The following FBN3 variants were observed in gnomAD, a reference collection of about 807,000 sequenced individuals.
FBN3 encodes fibrillin 3.
In FBN3, 234 loss-of-function variants were observed where a neutral mutation model predicts 330.1. The observed-to-expected ratio is 0.71, with a 90% CI of 0.64 to 0.79. The LOEUF is 0.79. Ranked by LOEUF, FBN3 falls within the 30% of genes least tolerant of loss-of-function variation. The probability of loss-of-function intolerance (pLI) is 0.00; values close to 1 mark genes in which losing one functional copy is unlikely to be tolerated. For missense variants in FBN3, 3,606 were observed against 3,886.9 expected (o/e 0.93, Z 1.92); for synonymous variants, 1,458 against 1,517.3 (o/e 0.96, Z 0.91).
At position 8,081,338 on chromosome 19, in the gene FBN3, G is replaced by T. The variant is rs746778444; in HGVS notation, c.7336+20C>A. Reference sequence around the variant, plus strand: ...ACTGCATGCAGTGGTGGGAGTGGGGGAGAGTTGAAAGGACATCACCTTTGC... The same window carrying T: ...ACTGCATGCAGTGGTGGGAGTGGGGTAGAGTTGAAAGGACATCACCTTTGC... On this transcript the variant is annotated intron_variant, in intron 58 of 63. Transcript: ENST00000600128. 1.3e-6 allele frequency: 2 copies of T among 1,584,042 alleles called. 1 individual carries two copies. Among genetic ancestry groups the T allele is most frequent in the South Asian group, 2.4e-5 (2 of 84,678 alleles).
At chr19:8,108,717 TGCTA>T (rs1343873671) in intron 36 of FBN3, among the ~76,000 whole-genome samples, 2 of 152,030 alleles carry the variant, frequency 1.3e-5, no homozygotes, top group African/African-American at 4.8e-5. Flanking sequence ...CCCCCTACTC[TGCTA>T]GGAAAACTCC....
chr19:8,141,826 C>T lies in FBN3; in HGVS notation c.756G>A (p.Gln252=), dbSNP rs201984325. The change falls in exon 8 of 64, where the codon CAG becomes CAA. Residue 252 remains glutamine (Q), a synonymous_variant. Transcript: ENST00000600128. Reference sequence around the variant, plus strand: ...CTCCCTGGCACAGGCCTGGCACAGCCTGGCACTCATCCACATCTGCAAGGA... The same window carrying T: ...CTCCCTGGCACAGGCCTGGCACAGCTTGGCACTCATCCACATCTGCAAGGA... ...TGACQDVDEC[Q]AVPGLCQGGS... is the part of the protein sequence containing the mutation. The T allele has an allele frequency of 6.2e-7, 1 of 1,614,218 alleles. No individual in the cohort carries two copies. Among genetic ancestry groups the T allele is most frequent in the Non-Finnish European group, 8.5e-7 (1 of 1,180,026 alleles).
chr19:8,097,319 T>TG lies in FBN3; in HGVS notation c.5256dup (p.Asn1753GlnfsTer10), dbSNP rs781712234. ...CAAGCCAGCAGGATGCTGTTGTAGT[T>TG]GAAGCCTGCGGGGCACTCGCAGCGG... On this transcript the variant is annotated frameshift_variant, in exon 42 of 64. Transcript: ENST00000600128. LOFTEE classifies it high-confidence loss of function. 3.0e-5 allele frequency: 49 copies of TG among 1,609,996 alleles called. No homozygotes were observed. Among genetic ancestry groups the TG allele is most frequent in the Non-Finnish European group, 4.2e-5 (49 of 1,177,350 alleles).
At position 8,085,484 on chromosome 19, in the gene FBN3, G is replaced by A. The variant is rs777920211; in HGVS notation, c.6966C>T (p.Ala2322=). Residue 2322 remains alanine, a synonymous_variant, in exon 56 of 64, where the codon GCC becomes GCT. Transcript: ENST00000600128. The stretch of plus-strand genomic sequence containing the variant: ...CCCGGCCACCCCCACAGCAGCACTC[G>A]GCCCTGGTGACAGCCTCACTGCTGC... ...LSSSSEAVTR[A]ECCCGGGRGW... The A allele has an allele frequency of 3.3e-5, 53 of 1,590,426 alleles. No homozygotes were observed. Among genetic ancestry groups the A allele is most frequent in the Non-Finnish European group, 4.3e-5 (50 of 1,169,224 alleles).
intron 16 of FBN3, among the ~76,000 whole-genome samples, chr19:8,130,644 G>GAAA (rs1180085232): frequency 1.7e-5 from 1 of 58,934 alleles, no homozygotes; most frequent in South Asian, 6.1e-4. Flanking sequence ...AAGAAAGAAA[G>GAAA]GAAAGGAAAG....
chr19:8,071,019 T>C (rs570195767), intron 63 of FBN3, among the ~76,000 whole-genome samples: 2 of 131,440 alleles, frequency 1.5e-5, no homozygotes, highest in Non-Finnish European at 3.4e-5. Context: ...TGAGACTCTG[T>C]CTCAAAAAAA....
rs56714832 is a variant in FBN3 at position 8,091,728 on chromosome 19, A to G, written c.5906-138T>C. 2,034 of 893,876 alleles carry G rather than the reference A, an allele frequency of 2.3e-3. 24 individuals are homozygous for G. The African/African-American group carries it at 0.031, about 14-fold the overall frequency. 55.4% of individuals were successfully genotyped at this position (893,876 alleles called of 1,614,324 possible). ...AGTGGGGCTGGGGTCCTGAGAGCTC[A>G]GTATGAGCTTCAGCACGAGGTGGGC... On this transcript the variant is annotated intron_variant, in intron 47 of 63. Coordinates refer to ENST00000600128, the MANE Select transcript of FBN3 (RefSeq NM_032447.5).
rs780466449 is a variant in FBN3 at position 8,138,273 on chromosome 19, G to T, written c.1069C>A (p.Pro357Thr). 1.2e-6 allele frequency: 2 copies of T among 1,612,814 alleles called. No individual in the cohort carries two copies. Among genetic ancestry groups the T allele is most frequent in the Non-Finnish European group, 8.5e-7 (1 of 1,179,692 alleles). ...AQRLPLLPGH[P>T]GLFPGLLGFG... ...CCCAGGAGGCCAGGGAAGAGGCCAG[G>T]GTGGCCGGGTAGCAGCGGCAGCCGC... is the stretch of plus-strand genomic sequence containing the variant. The change falls in exon 10 of 64, where the codon CCT (proline) becomes ACT (threonine). Residue 357 changes from proline to threonine, a missense_variant. Coordinates refer to ENST00000600128, the MANE Select transcript of FBN3 (RefSeq NM_032447.5).
intron 41 of FBN3, among the ~76,000 whole-genome samples, chr19:8,099,342 A>G (rs7254397): frequency 0.19 from 26,565 of 137,588 alleles, 2,887 homozygotes; most frequent in African/African-American, 0.3. Flanking sequence ...GTACAGTGGC[A>G]CGATCTCGGC....
intron 59 of FBN3, among the ~76,000 whole-genome samples, chr19:8,076,773 G>T (rs545045678): frequency 9.0e-4 from 137 of 151,994 alleles, no homozygotes; most frequent in African/African-American, 3.0e-3. Context: ...GTTAATTTTG[G>T]TTTTTTTAGA....
intron 29 of FBN3, among the ~76,000 whole-genome samples, chr19:8,116,011 C>T (rs2082696880): frequency 6.6e-6 from 1 of 152,150 alleles, no homozygotes; most frequent in African/African-American, 2.4e-5. Context: ...GCAACAGGGG[C>T]ATGGAGCAGA....
At chr19:8,124,033 C>T in intron 22 of FBN3, 25 bp from the exon 23 acceptor site, 2 of 1,585,936 alleles carry the variant, frequency 1.3e-6, no homozygotes, top group Non-Finnish European at 1.7e-6. Flanking sequence ...GTCACTGCGT[C>T]CCCACCCCTG....
At chr19:8,112,149 C>T (rs201476244) in intron 30 of FBN3, 50 bp from the exon 31 acceptor site, 15 of 1,593,134 alleles carry the variant, frequency 9.4e-6, no homozygotes, top group African/African-American at 1.3e-5. Context: ...GAAGGAAAGA[C>T]TCGATGCAAT....
chr19:8,092,707 CAAAAAAAAAA>C lies in FBN3; in HGVS notation c.5906-1127_5906-1118del, dbSNP rs33973797. Among the ~76,000 whole-genome samples, 52 of 70,156 alleles carry C rather than the reference CAAAAAAAAAA, an allele frequency of 7.4e-4. 1 individual carries two copies. Among genetic ancestry groups the C allele is most frequent in the Admixed American group, 3.7e-3 (20 of 5,362 alleles). The allele number at this position is 70,156 out of a possible 152,430, so 46.0% of individuals were successfully genotyped here. On this transcript the variant is annotated intron_variant, in intron 47 of 63. Transcript: ENST00000600128. Reference sequence around the variant, plus strand: ...TCTGGGTGACAGAGTGAGACTCCACCAAAAAAAAAAAAAAAAAAAAAAAAAAGGAACAAAA... The same window carrying C: ...TCTGGGTGACAGAGTGAGACTCCACCAAAAAAAAAAAAAAAAGGAACAAAA...
rs1310572304 is a variant in FBN3 at position 8,149,176 on chromosome 19, C to G, written c.-18+273G>C. ...GGCGCGATCTCCACCCGGCAGGGCC[C>G]CCGGCCGCGACCACGCTTGGCTCCG... On this transcript the variant is annotated intron_variant, in intron 1 of 63. Transcript: ENST00000600128. The surrounding 1 kb of genome is among the most constrained non-coding windows in gnomAD (Gnocchi z 5.5). Among the ~76,000 whole-genome samples, 1 of 152,010 alleles carries G rather than the reference C, an allele frequency of 6.6e-6. No homozygotes were observed. Among genetic ancestry groups the G allele is most frequent in the Non-Finnish European group, 1.5e-5 (1 of 67,970 alleles).
rs1202677973 is a variant in FBN3 at position 8,072,036 on chromosome 19, C to T, written c.8088+12G>A. ...CCCTGGCCACCCCTGCCTAGTGCAG[C>T]ACCCATGTCACCTGGTGGTCCCTGT... On this transcript the variant is annotated intron_variant, in intron 63 of 63. Coordinates refer to ENST00000600128, the MANE Select transcript of FBN3 (RefSeq NM_032447.5). 2 of 1,609,760 alleles carry T rather than the reference C, an allele frequency of 1.2e-6. No individual in the cohort carries two copies. The highest frequency in any genetic ancestry group is 2.2e-5 in the East Asian group (1 of 44,768).
At chr19:8,069,010 C>T (rs2081454042) in intron 63 of FBN3, among the ~76,000 whole-genome samples, 15 of 152,130 alleles carry the variant, frequency 9.9e-5, no homozygotes, top group Admixed American at 9.8e-4. Context: ...CGACCCAGAG[C>T]CCTAAGGTCA....
intron 8 of FBN3, among the ~76,000 whole-genome samples, chr19:8,140,758 C>T (rs1171793073): frequency 6.6e-6 from 1 of 152,026 alleles, no homozygotes; most frequent in Non-Finnish European, 1.5e-5. Flanking sequence ...GATTCCAAAG[C>T]CTATGTTCAG....
At chr19:8,088,399 TGAGTGAATGAGCAAG>T (rs143891874) in intron 51 of FBN3, among the ~76,000 whole-genome samples, 18,478 of 151,628 alleles carry the variant, frequency 0.12, 1,212 homozygotes, top group African/African-American at 0.16. Flanking sequence ...AGCAAGGGAG[TGAGTGAATGAGCAAG>T]AAGTGAATGA....
Sources: allele counts gnomAD v4.1 joint callset (sites outside exome capture counted in the v4.1 genomes callset), GRCh38; gene constraint gnomAD v4.1.1; non-coding constraint Gnocchi (gnomAD v3.1); transcripts MANE v1.5; gene names NCBI Gene and HGNC (gene_info 2026-07-23, HGNC 2026-07-21).